Variants in MCOLN2 observed in about 807,000 individuals in gnomAD.
The protein encoded by MCOLN2 is mucolipin TRP cation channel 2, also known as mucolipin-2.
MCOLN2 carries 57 observed loss-of-function variants against 67.5 expected under a neutral mutation model. That is an observed-to-expected ratio of 0.84 (90% CI 0.68 to 1.05). The LOEUF is 1.05. Ranked by LOEUF, MCOLN2 falls within the 50% of genes least tolerant of loss-of-function variation. The pLI is 0.00. For synonymous variants in MCOLN2, 246 were observed against 233.3 expected (o/e 1.05, Z -0.50); for missense variants, 620 against 678.8 (o/e 0.91, Z 0.96).
intron 1 of MCOLN2, among the ~76,000 whole-genome samples, chr1:84,987,591 T>TCTATGTATACAA (rs1650664863): frequency 9.3e-6 from 1 of 107,084 alleles, no homozygotes; most frequent in Non-Finnish European, 1.9e-5. Context: ...GATATATACA[T>TCTATGTATACAA]ATGTATATAG....
intron 3 of MCOLN2, among the ~76,000 whole-genome samples, chr1:84,956,813 A>G (rs1471591303): frequency 6.6e-6 from 1 of 152,198 alleles, no homozygotes; most frequent in East Asian, 1.9e-4. Context: ...CACCTCACTC[A>G]GCCAAAGCCA....
At chr1:84,955,915 C>T (rs1648757757) in intron 4 of MCOLN2, among the ~76,000 whole-genome samples, 1 of 152,120 alleles carries the variant, frequency 6.6e-6, no homozygotes, top group Admixed American at 6.6e-5. Flanking sequence ...TATTTACATA[C>T]AGTATGCTCT....
chr1:84,969,409 A>G (rs1455516298), intron 1 of MCOLN2, among the ~76,000 whole-genome samples: 1 of 152,082 alleles, frequency 6.6e-6, no homozygotes, highest in Non-Finnish European at 1.5e-5. Context: ...CATTTCTATT[A>G]AAAATACAAA....
intron 1 of MCOLN2, among the ~76,000 whole-genome samples, chr1:84,985,694 CA>C (rs995608928): frequency 1.3e-5 from 2 of 151,354 alleles, no homozygotes; most frequent in African/African-American, 4.9e-5. Context: ...ACAACAGCTG[CA>C]AAAAAAACCA....
chr1:84,978,983 A>G (rs1267216621), intron 1 of MCOLN2, among the ~76,000 whole-genome samples: 1 of 152,176 alleles, frequency 6.6e-6, no homozygotes, highest in Non-Finnish European at 1.5e-5. Context: ...AGCATCCAGC[A>G]TGGGAGAAAG....
At chr1:84,940,003 C>T (rs75092220) in intron 8 of MCOLN2, among the ~76,000 whole-genome samples, 3,597 of 152,154 alleles carry the variant, frequency 0.024, 162 homozygotes, top group African/African-American at 0.082. Flanking sequence ...ACATCCATTC[C>T]GATAACAACC....
At chr1:84,942,953 C>T (rs1647877726) in intron 7 of MCOLN2, among the ~76,000 whole-genome samples, 1 of 152,134 alleles carries the variant, frequency 6.6e-6, no homozygotes, top group Non-Finnish European at 1.5e-5. Context: ...TTGGACTTCT[C>T]AGTTTCCAGA....
At chr1:84,988,765 G>A (rs542891771) in intron 1 of MCOLN2, among the ~76,000 whole-genome samples, 2 of 152,234 alleles carry the variant, frequency 1.3e-5, no homozygotes, top group Admixed American at 1.3e-4. Flanking sequence ...TTCTCTCAGA[G>A]TAAAATCCAA....
intron 1 of MCOLN2, among the ~76,000 whole-genome samples, chr1:84,968,654 C>T (rs1181979726): frequency 2.6e-5 from 4 of 152,184 alleles, no homozygotes; most frequent in East Asian, 1.9e-4. Context: ...ACTGTTGAGG[C>T]GCCTTAAGGC....
At chr1:84,928,775 C>A (rs1489068684) in intron 13 of MCOLN2, among the ~76,000 whole-genome samples, 1 of 152,032 alleles carries the variant, frequency 6.6e-6, no homozygotes, top group Non-Finnish European at 1.5e-5. Context: ...ATTGTAAGTC[C>A]CAAGATGCTG....
chr1:84,973,840 G>C (rs1471632926), intron 1 of MCOLN2, among the ~76,000 whole-genome samples: 1 of 152,098 alleles, frequency 6.6e-6, no homozygotes, highest in Non-Finnish European at 1.5e-5. Flanking sequence ...CCAAAAATCA[G>C]GTGAGCACTT....
intron 1 of MCOLN2, among the ~76,000 whole-genome samples, chr1:84,994,610 C>T (rs1188680087): frequency 6.6e-6 from 1 of 152,232 alleles, no homozygotes; most frequent in African/African-American, 2.4e-5. Context: ...TTCATTACCT[C>T]TCTCAGCCTT....
chr1:84,954,253 T>C (rs940083065), intron 4 of MCOLN2, among the ~76,000 whole-genome samples: 3 of 152,190 alleles, frequency 2.0e-5, no homozygotes, highest in Non-Finnish European at 4.4e-5. Flanking sequence ...AGACACAATA[T>C]TTTTAAAAGA....
rs767427046 is a variant in MCOLN2 at position 84,958,553 on chromosome 1, C to T, written c.387G>A (p.Glu129=). Residue 129 remains glutamate, a synonymous_variant, in exon 3 of 14, where the codon GAG becomes GAA. Coordinates refer to ENST00000370608, the MANE Select transcript of MCOLN2 (RefSeq NM_153259.4). ...CCTGATTAATAGCAAAAAAGATGCT[C>T]TCATAGGCATCCTCTTGAGTATATA... The part of the protein sequence containing the change: ...CSVYTQEDAY[E]SIFFAINQYH... The T allele has an allele frequency of 1.9e-6, 3 of 1,604,030 alleles. No individual in the cohort carries two copies. The East Asian group carries it at 6.7e-5, about 36-fold the overall frequency.
At chr1:84,981,417 A>C (rs186264374) in intron 1 of MCOLN2, among the ~76,000 whole-genome samples, 290 of 152,354 alleles carry the variant, frequency 1.9e-3, no homozygotes, top group Non-Finnish European at 3.1e-3. Context: ...TATGTCCATC[A>C]GCAGAAGAAT....
chr1:84,956,789 T>G (rs113698535), intron 3 of MCOLN2, among the ~76,000 whole-genome samples: 62 of 152,286 alleles, frequency 4.1e-4, no homozygotes, highest in African/African-American at 1.4e-3. Flanking sequence ...CAAAACAAGG[T>G]GATGGACAGC....
chr1:84,995,232 T>C (rs1047260151), intron 1 of MCOLN2, among the ~76,000 whole-genome samples: 26 of 149,812 alleles, frequency 1.7e-4, no homozygotes, highest in African/African-American at 6.3e-4. Context: ...ATTGCCACAA[T>C]GTGACATAGA....
intron 2 of MCOLN2, among the ~76,000 whole-genome samples, chr1:84,964,534 G>GT (rs1235597647): frequency 6.9e-6 from 1 of 145,448 alleles, no homozygotes; most frequent in Non-Finnish European, 1.5e-5. Flanking sequence ...AGTGGGGGGG[G>GT]GTGGGTAATG....
Position 84,976,834 on chromosome 1 carries a change from A to C in MCOLN2, c.78-11126T>G, listed in dbSNP as rs1211714388. 4.6e-5 allele frequency among the ~76,000 whole-genome samples: 7 copies of C among 152,328 alleles called. No homozygotes were observed. In the East Asian group the frequency reaches 9.6e-4, roughly 21 times the overall value. ...TCAACACCAGACCTGTCCTACAAAAAATGCTGAAGAGAGTACTTCAATCAG... is the reference window on the plus strand; with the variant it reads ...TCAACACCAGACCTGTCCTACAAAACATGCTGAAGAGAGTACTTCAATCAG... On this transcript the variant is annotated intron_variant, in intron 1 of 13. Coordinates refer to ENST00000370608, the MANE Select transcript of MCOLN2 (RefSeq NM_153259.4).
Sources: allele counts gnomAD v4.1 joint callset (sites outside exome capture counted in the v4.1 genomes callset), GRCh38; gene constraint gnomAD v4.1.1; transcripts MANE v1.5; gene names NCBI Gene and HGNC (gene_info 2026-07-23, HGNC 2026-07-21).